The following TNNI3K variants were observed in gnomAD, a reference collection of about 807,000 sequenced individuals.
TNNI3K encodes serine/threonine-protein kinase TNNI3K.
Under a neutral mutation model 114.5 loss-of-function variants are expected in TNNI3K, and 140 were observed. The ratio of observed to expected loss-of-function variants is 1.22; its 90% CI spans 1.07 to 1.41. The LOEUF (loss-of-function observed/expected upper bound fraction) is 1.41. Among genes scored for constraint, TNNI3K ranks in the 40% most tolerant of loss-of-function variants. The pLI is 0.00. For synonymous variants in TNNI3K, 347 were observed against 347.5 expected, an observed-to-expected ratio of 1.00 and a Z score of 0.02; for missense variants, 1,125 against 1,007.6, an observed-to-expected ratio of 1.12 and a Z score of -1.58.
intron 4 of TNNI3K, among the ~76,000 whole-genome samples, chr1:74,253,093 A>T (rs972190788): frequency 6.6e-6 from 1 of 152,148 alleles, no homozygotes; most frequent in Non-Finnish European, 1.5e-5. Context: ...TCCCCACTAG[A>T]TTAGCTAGAT....
chr1:74,394,163 G>A (rs1663951424), intron 17 of TNNI3K, among the ~76,000 whole-genome samples: 1 of 152,122 alleles, frequency 6.6e-6, no homozygotes, highest in Non-Finnish European at 1.5e-5. Flanking sequence ...TTAAGCTAAT[G>A]GGAAAACCTC....
At chr1:74,420,453 AG>A (rs1178870627) in intron 17 of TNNI3K, among the ~76,000 whole-genome samples, 2 of 152,140 alleles carry the variant, frequency 1.3e-5, no homozygotes, top group Non-Finnish European at 2.9e-5. Context: ...GGATGAGAAC[AG>A]GGCTTGAGAA....
At chr1:74,385,673 T>A (rs1663435434) in intron 17 of TNNI3K, among the ~76,000 whole-genome samples, 1 of 152,144 alleles carries the variant, frequency 6.6e-6, no homozygotes, top group African/African-American at 2.4e-5. Flanking sequence ...CACACTGAGG[T>A]CAACATAGCT....
intron 9 of TNNI3K, among the ~76,000 whole-genome samples, chr1:74,350,418 G>T (rs531638645): frequency 6.6e-6 from 1 of 152,304 alleles, no homozygotes; most frequent in East Asian, 1.9e-4. Flanking sequence ...TAGGTGTGGT[G>T]TGGTGCTGAA....
chr1:74,368,216 G>A (rs1662382245), intron 13 of TNNI3K, among the ~76,000 whole-genome samples: 1 of 151,572 alleles, frequency 6.6e-6, no homozygotes, highest in Non-Finnish European at 1.5e-5. Context: ...CTGTTTAGAT[G>A]TTTCTGTTTT....
At chr1:74,373,241 G>A (rs1662705963) in intron 17 of TNNI3K, 1 of 151,882 alleles carries the variant, frequency 6.6e-6, no homozygotes, top group South Asian at 2.1e-4. Context: ...ACTTTCAGAG[G>A]ATTTCAAGTA....
chr1:74,533,845 A>G (rs1283545634), intron 23 of TNNI3K, among the ~76,000 whole-genome samples: 1 of 152,216 alleles, frequency 6.6e-6, no homozygotes, highest in Non-Finnish European at 1.5e-5. Context: ...TCTCACTCAT[A>G]GGTGGGAATT....
chr1:74,497,934 C>T (rs1013187615), intron 23 of TNNI3K, among the ~76,000 whole-genome samples: 2 of 151,998 alleles, frequency 1.3e-5, no homozygotes, highest in Non-Finnish European at 2.9e-5. Context: ...GATACTGTCG[C>T]TCTCTCTCTT....
At chr1:74,367,126 A>G (rs551260181) in intron 11 of TNNI3K, 130 bp from the exon 12 acceptor site, 56 of 825,076 alleles carry the variant, frequency 6.8e-5, no homozygotes, top group East Asian at 4.9e-4. Context: ...CTAAATTTCT[A>G]TTGCAATACA....
intron 21 of TNNI3K, among the ~76,000 whole-genome samples, chr1:74,466,013 C>T (rs1450779664): frequency 6.6e-6 from 1 of 152,198 alleles, no homozygotes; most frequent in Non-Finnish European, 1.5e-5. Context: ...GATGTTCACT[C>T]TTTGGTCCAC....
At chr1:74,481,750 A>G (rs1668515928) in intron 21 of TNNI3K, among the ~76,000 whole-genome samples, 1 of 152,214 alleles carries the variant, frequency 6.6e-6, no homozygotes, top group Non-Finnish European at 1.5e-5. Context: ...TTAACTCAAT[A>G]AAGAAGTATT....
intron 23 of TNNI3K, among the ~76,000 whole-genome samples, chr1:74,523,785 T>A (rs1646466242): frequency 6.6e-6 from 1 of 152,244 alleles, no homozygotes; most frequent in African/African-American, 2.4e-5. Flanking sequence ...TTTCTTTTTT[T>A]AAAATTATAC....
chr1:74,319,734 G>A (rs1659507703), intron 5 of TNNI3K, among the ~76,000 whole-genome samples: 1 of 152,154 alleles, frequency 6.6e-6, no homozygotes, highest in Non-Finnish European at 1.5e-5. Context: ...GGTTCCAGTG[G>A]TACCTTGGAA....
intron 23 of TNNI3K, among the ~76,000 whole-genome samples, chr1:74,495,239 G>A (rs1669269071): frequency 6.6e-6 from 1 of 152,206 alleles, no homozygotes; most frequent in Non-Finnish European, 1.5e-5. Context: ...TTCAAGGTCA[G>A]TTTGTTAGTA....
intron 15 of TNNI3K, 46 bp downstream of exon 15, chr1:74,369,310 C>T (rs1375165565): frequency 1.6e-5 from 26 of 1,606,788 alleles, no homozygotes; most frequent in Non-Finnish European, 2.2e-5. Context: ...GGAATTGTGA[C>T]CTTTGAGAAG....
chr1:74,423,070 C>T (rs748634542), intron 17 of TNNI3K, among the ~76,000 whole-genome samples: 1 of 152,046 alleles, frequency 6.6e-6, no homozygotes, highest in Non-Finnish European at 1.5e-5. Flanking sequence ...AACACATTCT[C>T]ATTAGATTTT....
intron 20 of TNNI3K, among the ~76,000 whole-genome samples, chr1:74,441,629 C>G (rs997411722): frequency 6.6e-6 from 1 of 152,064 alleles, no homozygotes; most frequent in African/African-American, 2.4e-5. Flanking sequence ...TCAGTTGTTT[C>G]ACGTCCTTGC....
In TNNI3K at chr1:74,526,949, CAG is replaced by C. The variant is rs1646511434; in HGVS notation, c.2352-13282_2352-13281del. Among the ~76,000 whole-genome samples the C allele has an allele frequency of 2.6e-5, 4 of 152,296 alleles. No individual in the cohort carries two copies. The South Asian group carries it at 6.2e-4, about 24-fold the overall frequency. Reference sequence around the variant, plus strand: ...TATGTCTGTGTTTGCACTGAAACAGCAGAGTTGAGTAGTTGCAAGAGACCATA... The same window carrying C: ...TATGTCTGTGTTTGCACTGAAACAGCAGTTGAGTAGTTGCAAGAGACCATA... On this transcript the variant is annotated intron_variant, in intron 23 of 24. Coordinates refer to ENST00000326637, the MANE Select transcript of TNNI3K (RefSeq NM_015978.3).
At chr1:74,448,429 CT>C (rs1666811363) in intron 20 of TNNI3K, among the ~76,000 whole-genome samples, 1 of 147,382 alleles carries the variant, frequency 6.8e-6, no homozygotes, top group African/African-American at 2.6e-5. Flanking sequence ...TTGACTTCCT[CT>C]TTTCCTAATT....
Sources: gnomAD v4.1 joint callset for allele counts (sites outside exome capture counted in the v4.1 genomes callset) on GRCh38, gnomAD v4.1.1 for gene constraint, MANE v1.5 for transcripts, NCBI Gene and HGNC (gene_info 2026-07-23, HGNC 2026-07-21) for gene names.